Variants in IL1RAPL1 observed in about 807,000 individuals in gnomAD.
IL1RAPL1 encodes the protein interleukin 1 receptor accessory protein like 1.
Under a neutral mutation model 48.4 loss-of-function variants are expected in IL1RAPL1, and 3 were observed. The ratio of observed to expected loss-of-function variants is 0.06; its 90% CI spans 0.03 to 0.16. IL1RAPL1 has a LOEUF of 0.16. IL1RAPL1 is among the 10% of genes least tolerant of loss of function. IL1RAPL1 has a pLI of 1.00. For missense variants in IL1RAPL1, 349 were observed against 530.6 expected, an observed-to-expected ratio of 0.66 and a Z score of 3.36; for synonymous variants, 185 against 187.7, an observed-to-expected ratio of 0.99 and a Z score of 0.12.
At chrX:29,273,703 C>T (rs1932076758) in intron 2 of IL1RAPL1, among the ~76,000 whole-genome samples, 1 of 111,435 alleles carries the variant, frequency 9.0e-6, no homozygotes, top group African/African-American at 3.3e-5. Flanking sequence ...TCTGTGCTAG[C>T]ATTTGCACCT....
intron 1 of IL1RAPL1, among the ~76,000 whole-genome samples, chrX:28,699,548 G>T (rs956530811): frequency 8.9e-6 from 1 of 112,376 alleles, no homozygotes; most frequent in Non-Finnish European, 1.9e-5. Flanking sequence ...TCAGCCAGAC[G>T]TTTTCTTTGA....
intron 2 of IL1RAPL1, among the ~76,000 whole-genome samples, chrX:28,872,019 A>G (rs1055374276): frequency 1.6e-4 from 18 of 111,225 alleles, no homozygotes; most frequent in Admixed American, 1.2e-3. Flanking sequence ...CATTCTTACT[A>G]TTATTAGAGA....
chrX:29,199,495 A>G (rs1930511970), intron 2 of IL1RAPL1, among the ~76,000 whole-genome samples: 1 of 111,771 alleles, frequency 8.9e-6, no homozygotes, highest in East Asian at 2.8e-4. Context: ...GGTTTCATGG[A>G]AGACAGTTTT....
Position 29,112,886 on chromosome X carries a change from G to GC in IL1RAPL1, c.83-170046dup, listed in dbSNP as rs1281377253. Among the ~76,000 whole-genome samples the GC allele has an allele frequency of 5.3e-5, 5 of 94,429 alleles. No individual in the cohort carries two copies. In the East Asian group the frequency reaches 1.2e-3, roughly 22 times the overall value. The allele number at this position is 94,429 out of a possible 115,157, so 82.0% of individuals were successfully genotyped here. A position where few individuals can be genotyped will look rare whatever the true frequency, so the allele number is the denominator to read the frequency against. On this transcript the variant is annotated intron_variant, in intron 2 of 10. Coordinates refer to ENST00000378993, the MANE Select transcript of IL1RAPL1 (RefSeq NM_014271.4). ...GAGATCTCAGCTCACTGCAACCTCCGCCCCCCAGGTTCAAGCAGTTCTCTG... is the reference window on the plus strand; with the variant it reads ...GAGATCTCAGCTCACTGCAACCTCCGCCCCCCCAGGTTCAAGCAGTTCTCTG...
intron 5 of IL1RAPL1, among the ~76,000 whole-genome samples, chrX:29,564,780 G>A (rs1285130144): frequency 1.8e-5 from 2 of 112,889 alleles, no homozygotes; most frequent in Non-Finnish European, 3.7e-5. Flanking sequence ...TATTGTTGTT[G>A]TTATAAATTA....
At chrX:29,419,344 G>C (rs774457080) in intron 5 of IL1RAPL1, among the ~76,000 whole-genome samples, 1 of 108,575 alleles carries the variant, frequency 9.2e-6, no homozygotes, top group South Asian at 4.0e-4. Flanking sequence ...TTTTGAGCCA[G>C]AGTTTCGCTC....
chrX:29,620,758 C>A (rs1404839536), intron 5 of IL1RAPL1, among the ~76,000 whole-genome samples: 1 of 111,452 alleles, frequency 9.0e-6, no homozygotes, highest in African/African-American at 3.3e-5. Flanking sequence ...AATAAAAATG[C>A]CTGGAGAGAA....
intron 2 of IL1RAPL1, among the ~76,000 whole-genome samples, chrX:29,027,936 G>A (rs1420047944): frequency 9.1e-6 from 1 of 109,857 alleles, no homozygotes; most frequent in Non-Finnish European, 1.9e-5. Context: ...GTGTGTGTGT[G>A]TGTGTGTGTG....
intron 5 of IL1RAPL1, among the ~76,000 whole-genome samples, chrX:29,437,957 A>G (rs1403877170): frequency 9.0e-6 from 1 of 111,105 alleles, no homozygotes; most frequent in Non-Finnish European, 1.9e-5. Flanking sequence ...ATTGATGCTA[A>G]TTCTTCTTTA....
In IL1RAPL1 at chrX:29,705,333, G is replaced by A. The variant is rs189036384; in HGVS notation, c.778+36829G>A. Among the ~76,000 whole-genome samples the A allele has an allele frequency of 8.2e-3, 910 of 111,331 alleles. 9 individuals carry two copies. The highest frequency in any genetic ancestry group is 0.029 in the African/African-American group (880 of 30,561). On this transcript the variant is annotated intron_variant, in intron 6 of 10. Coordinates refer to ENST00000378993, the MANE Select transcript of IL1RAPL1 (RefSeq NM_014271.4). The stretch of plus-strand genomic sequence containing the variant: ...GGGTTTGAGTGATTCTCGTTCCTCA[G>A]CCTCCCAAGTAGCCGGGATTACAGG...
chrX:29,455,559 A>G (rs1392634747), intron 5 of IL1RAPL1, among the ~76,000 whole-genome samples: 1 of 111,849 alleles, frequency 8.9e-6, no homozygotes, highest in Non-Finnish European at 1.9e-5. Context: ...AATAAGCTTG[A>G]AAGTTCTATG....
chrX:28,652,460 A>G (rs1022589199), intron 1 of IL1RAPL1, among the ~76,000 whole-genome samples: 1 of 111,583 alleles, frequency 9.0e-6, no homozygotes, highest in African/African-American at 3.3e-5. Flanking sequence ...CCCTCATACA[A>G]TCGATAATAA....
intron 5 of IL1RAPL1, among the ~76,000 whole-genome samples, chrX:29,444,084 G>A (rs1280090253): frequency 2.7e-5 from 3 of 112,371 alleles, no homozygotes; most frequent in African/African-American, 9.7e-5. Context: ...GCTCACGCCT[G>A]TAATCCCAGC....
chrX:29,729,922 T>C (rs949598046), intron 6 of IL1RAPL1, among the ~76,000 whole-genome samples: 5 of 111,989 alleles, frequency 4.5e-5, no homozygotes, highest in African/African-American at 1.6e-4. Flanking sequence ...TTTGGCTATA[T>C]TGAGACCTTG....
At chrX:28,719,990 C>G (rs948531091) in intron 1 of IL1RAPL1, among the ~76,000 whole-genome samples, 1 of 110,667 alleles carries the variant, frequency 9.0e-6, no homozygotes, top group African/African-American at 3.3e-5. Context: ...TGACTATATT[C>G]TACTTGGAAA....
In IL1RAPL1 at chrX:29,168,673, G is replaced by GTA. The variant is rs1246029004; in HGVS notation, c.83-114257_83-114256dup. On this transcript the variant is annotated intron_variant, in intron 2 of 10. Transcript: ENST00000378993. ...ATTGTATATGTATTGTATATATATT[G>GTA]TATATATATTCATATGTACAATTGT... 6.8e-5 allele frequency among the ~76,000 whole-genome samples: 5 copies of GTA among 73,559 alleles called. 2 individuals are homozygous for GTA. The highest frequency in any genetic ancestry group is 1.3e-4 in the Non-Finnish European group (5 of 38,704). 63.9% of individuals were successfully genotyped at this position (73,559 alleles called of 115,157 possible). A position where few individuals can be genotyped will look rare whatever the true frequency, so the allele number is the denominator to read the frequency against.
rs755531924 is a variant in IL1RAPL1 at position 29,428,532 on chromosome X, C to G, written c.703+29224C>G. On this transcript the variant is annotated intron_variant, in intron 5 of 10. Coordinates refer to ENST00000378993, the MANE Select transcript of IL1RAPL1 (RefSeq NM_014271.4). ...GGAACTATCATCACACAAATTACTA[C>G]TAATATTTGCTTTGTTAAAAAAAAA... Among the ~76,000 whole-genome samples, 3 of 109,622 alleles carry G rather than the reference C, an allele frequency of 2.7e-5. No individual in the cohort carries two copies. The East Asian group carries it at 8.6e-4, about 31-fold the overall frequency.
intron 2 of IL1RAPL1, among the ~76,000 whole-genome samples, chrX:29,195,006 A>G (rs1446301563): frequency 5.4e-5 from 6 of 111,790 alleles, no homozygotes; most frequent in Non-Finnish European, 9.4e-5. Flanking sequence ...GCAAATGGCA[A>G]AGATGAATTT....
intron 6 of IL1RAPL1, among the ~76,000 whole-genome samples, chrX:29,745,261 C>T (rs1261427211): frequency 9.1e-6 from 1 of 109,891 alleles, no homozygotes; most frequent in Admixed American, 9.8e-5. Context: ...ATCTTATTCT[C>T]TAAAAATCAT....
Sources: gnomAD v4.1 joint callset for allele counts (sites outside exome capture counted in the v4.1 genomes callset) on GRCh38, gnomAD v4.1.1 for gene constraint, MANE v1.5 for transcripts, NCBI Gene and HGNC (gene_info 2026-07-23, HGNC 2026-07-21) for gene names.